The following MCPH1 variants were observed in gnomAD, a reference collection of about 807,000 sequenced individuals.
The protein encoded by MCPH1 is microcephalin.
A neutral mutation model predicts 84.5 loss-of-function variants in MCPH1; 104 were observed. The ratio of observed to expected loss-of-function variants is 1.23; its 90% CI spans 1.05 to 1.45. The LOEUF is 1.45. MCPH1 is among the 40% of genes most tolerant of loss of function. The pLI is 0.00. For synonymous variants in MCPH1, 514 were observed against 366.8 expected, an observed-to-expected ratio of 1.40 and a Z score of -4.58; for missense variants, 1,498 against 1,005.7, an observed-to-expected ratio of 1.49 and a Z score of -6.62.
rs1208983978 is a variant in MCPH1 at position 6,647,988 on chromosome 8, C to A, written c.*4939C>A. 1 of 152,178 alleles carries A rather than the reference C, an allele frequency of 6.6e-6. No homozygotes were observed. The highest frequency in any genetic ancestry group is 2.4e-5 in the African/African-American group (1 of 41,440). The allele number at this position is 152,178 out of a possible 1,614,324, so 9.4% of individuals were successfully genotyped here. ...AGCCCCAGGGCAATAGCTCTCAGATCTCCCTTAGAGAAAGAACTTTCTCTT... is the reference window on the plus strand; with the variant it reads ...AGCCCCAGGGCAATAGCTCTCAGATATCCCTTAGAGAAAGAACTTTCTCTT... On this transcript the variant is annotated 3_prime_UTR_variant, in exon 14 of 14. Coordinates refer to ENST00000344683, the MANE Select transcript of MCPH1 (RefSeq NM_024596.5).
intron 3 of MCPH1, among the ~76,000 whole-genome samples, chr8:6,415,222 A>G (rs1563172593): frequency 6.6e-6 from 1 of 152,082 alleles, no homozygotes; most frequent in Admixed American, 6.5e-5. Context: ...TCGCTTGAGC[A>G]ACAGAAAAGG....
intron 12 of MCPH1, among the ~76,000 whole-genome samples, chr8:6,594,501 G>C (rs1162587709): frequency 6.6e-6 from 1 of 152,226 alleles, no homozygotes; most frequent in Non-Finnish European, 1.5e-5. Flanking sequence ...AGCAGTCCTT[G>C]ATCATATCCA....
intron 12 of MCPH1, among the ~76,000 whole-genome samples, chr8:6,566,101 C>T (rs1586655401): frequency 1.3e-5 from 2 of 152,302 alleles, no homozygotes; most frequent in East Asian, 1.9e-4. Flanking sequence ...ACTGAGTGAG[C>T]GTGCTGGGCT....
At chr8:6,598,884 C>T (rs1401042005) in intron 12 of MCPH1, among the ~76,000 whole-genome samples, 1 of 152,264 alleles carries the variant, frequency 6.6e-6, no homozygotes, top group Non-Finnish European at 1.5e-5. Flanking sequence ...TTCCAAAATG[C>T]ATTGCTCTCA....
Position 6,600,313 on chromosome 8 carries a change from G to A in MCPH1, c.2215-21141G>A, listed in dbSNP as rs145495784. On this transcript the variant is annotated intron_variant, in intron 12 of 13. Transcript: ENST00000344683. ...GGGAGAGAGGGTCCCCAGCAGGGAT[G>A]CCAGACCTTCTCTAGCTGGCCGTGG... Among the ~76,000 whole-genome samples, 733 of 152,346 alleles carry A rather than the reference G, an allele frequency of 4.8e-3. 11 individuals carry two copies. The highest frequency in any genetic ancestry group is 0.017 in the African/African-American group (700 of 41,574).
At position 6,486,598 on chromosome 8, in the gene MCPH1, A is replaced by G. The variant is rs901042092; in HGVS notation, c.2136+5722A>G. 3.3e-5 allele frequency among the ~76,000 whole-genome samples: 5 copies of G among 152,186 alleles called. No homozygotes were observed. The East Asian group carries it at 7.7e-4, about 23-fold the overall frequency. ...TTGACTTAATATTTTTGAGAAGTTT[A>G]TTGGCAATTTTTCCATGTTTACAGC... On this transcript the variant is annotated intron_variant, in intron 11 of 13. Transcript: ENST00000344683.
intron 12 of MCPH1, among the ~76,000 whole-genome samples, chr8:6,518,509 C>T (rs1816724457): frequency 6.6e-6 from 1 of 152,148 alleles, no homozygotes; most frequent in Non-Finnish European, 1.5e-5. Flanking sequence ...CTTTGGAAAG[C>T]ATTATGTTGA....
chr8:6,574,438 T>C lies in MCPH1; in HGVS notation c.2215-47016T>C, dbSNP rs117993236. Among the ~76,000 whole-genome samples, 1,329 of 152,296 alleles carry C rather than the reference T, an allele frequency of 8.7e-3. 8 individuals carry two copies. The highest frequency in any genetic ancestry group is 0.024 in the Middle Eastern group (7 of 294). ...GGACCTCCTCTCAACTAGTTAAACC[T>C]GCAGTGACGCTACTTCCAAATAAGC... is the stretch of plus-strand genomic sequence containing the variant. On this transcript the variant is annotated intron_variant, in intron 12 of 13. Transcript: ENST00000344683.
At chr8:6,599,181 C>A (rs568057261) in intron 12 of MCPH1, among the ~76,000 whole-genome samples, 1 of 152,256 alleles carries the variant, frequency 6.6e-6, no homozygotes, top group Admixed American at 6.5e-5. Context: ...AAAAAGAAGC[C>A]TTGATGTTGT....
chr8:6,488,670 A>G (rs968789146), intron 11 of MCPH1, among the ~76,000 whole-genome samples: 1 of 152,144 alleles, frequency 6.6e-6, no homozygotes, highest in East Asian at 1.9e-4. Flanking sequence ...GGGAGTGAGG[A>G]GGACAGGTGT....
chr8:6,480,732 C>G lies in MCPH1; in HGVS notation c.1992C>G (p.Ile664Met), dbSNP rs777307293. Residue 664 changes from isoleucine to methionine, a missense_variant, in exon 11 of 14, where the codon ATC becomes ATG. Transcript: ENST00000344683. ...TTGACAGAAAGCAGAATGTCGTCAT[C>G]CAGGTTGTGGATAAATTGAAAGGCT... ...SMPSEKQNVV[I>M]QVVDKLKGFS... 1.9e-6 allele frequency: 3 copies of G among 1,614,106 alleles called. No individual in the cohort carries two copies.
At chr8:6,467,403 C>G (rs928515313) in intron 9 of MCPH1, among the ~76,000 whole-genome samples, 2 of 152,130 alleles carry the variant, frequency 1.3e-5, no homozygotes, top group Non-Finnish European at 2.9e-5. Context: ...TATTTGCAAT[C>G]TAGTTCTCAT....
intron 12 of MCPH1, among the ~76,000 whole-genome samples, chr8:6,516,318 G>A: frequency 6.6e-6 from 1 of 152,154 alleles, no homozygotes; most frequent in East Asian, 1.9e-4. Flanking sequence ...CAGCAACTCT[G>A]CTGTAGTATC....
intron 13 of MCPH1, among the ~76,000 whole-genome samples, chr8:6,640,613 A>C (rs1400209614): frequency 6.6e-6 from 1 of 152,180 alleles, no homozygotes; most frequent in East Asian, 1.9e-4. Context: ...TTGTGTTATA[A>C]AACTCTGTCT....
Position 6,638,943 on chromosome 8 carries a change from G to T in MCPH1, c.2453-4051G>T, listed in dbSNP as rs1319894048. Reference sequence around the variant, plus strand: ...AGTGCTGCCCGCACACTCAGTCACAGCCCCATGCGCACCTCAACGCCACTG... The same window carrying T: ...AGTGCTGCCCGCACACTCAGTCACATCCCCATGCGCACCTCAACGCCACTG... On this transcript the variant is annotated intron_variant, in intron 13 of 13. Coordinates refer to ENST00000344683, the MANE Select transcript of MCPH1 (RefSeq NM_024596.5). Among the ~76,000 whole-genome samples, 9 of 152,306 alleles carry T rather than the reference G, an allele frequency of 5.9e-5. 1 individual carries two copies. Among genetic ancestry groups the T allele is most frequent in the Admixed American group, 2.0e-4 (3 of 15,304 alleles).
intron 12 of MCPH1, among the ~76,000 whole-genome samples, chr8:6,544,054 A>G (rs1822097095): frequency 6.6e-6 from 1 of 152,264 alleles, no homozygotes; most frequent in Admixed American, 6.5e-5. Flanking sequence ...GAGCAAAAGC[A>G]AAACAATATT....
chr8:6,593,644 A>G (rs1828693698), intron 12 of MCPH1, among the ~76,000 whole-genome samples: 1 of 152,186 alleles, frequency 6.6e-6, no homozygotes, highest in Non-Finnish European at 1.5e-5. Flanking sequence ...GTGAACCCCT[A>G]CAGCTGACCC....
Position 6,439,077 on chromosome 8 carries a change from G to T in MCPH1, c.561G>T (p.Arg187Ser), listed in dbSNP as rs776125109. The T allele has an allele frequency of 7.4e-5, 120 of 1,613,182 alleles. 1 individual carries two copies. In the East Asian group the frequency reaches 2.7e-3, roughly 36 times the overall value. The change falls in exon 6 of 14, where the codon AGG becomes AGT. Residue 187 changes from arginine (R) to serine (S), a missense_variant. Coordinates refer to ENST00000344683, the MANE Select transcript of MCPH1 (RefSeq NM_024596.5). Reference sequence around the variant, plus strand: ...GATTACAAGAGATGAAGGAGAAAAGGGAAAATCTTTCCCCCACCTGTAAGT... The same window carrying T: ...GATTACAAGAGATGAAGGAGAAAAGTGAAAATCTTTCCCCCACCTGTAAGT... ...EKRLQEMKEK[R>S]ENLSPTSSQM...
At chr8:6,473,544 G>A (rs1808043031) in intron 9 of MCPH1, among the ~76,000 whole-genome samples, 1 of 151,954 alleles carries the variant, frequency 6.6e-6, no homozygotes, top group Admixed American at 6.6e-5. Flanking sequence ...TGTTAGCCAG[G>A]ATGGTCTCGA....
Sources: gnomAD v4.1 joint callset for allele counts (sites outside exome capture counted in the v4.1 genomes callset) on GRCh38, gnomAD v4.1.1 for gene constraint, MANE v1.5 for transcripts, NCBI Gene and HGNC (gene_info 2026-07-23, HGNC 2026-07-21) for gene names.